The following DENND1A variants were observed in gnomAD, a reference collection of about 807,000 sequenced individuals.
DENND1A encodes the protein DENN domain-containing protein 1A.
DENND1A carries 51 observed loss-of-function variants against 113.7 expected under a neutral mutation model. That is an observed-to-expected ratio of 0.45 (90% CI 0.36 to 0.57). DENND1A has a LOEUF of 0.57. Among genes scored for constraint, DENND1A ranks in the 20% least tolerant of loss-of-function variants. The probability of loss-of-function intolerance (pLI) is 0.00; values close to 1 mark genes in which losing one functional copy is unlikely to be tolerated. For synonymous variants in DENND1A, 565 were observed against 570.8 expected, an observed-to-expected ratio of 0.99 and a Z score of 0.14; for missense variants, 1,258 against 1,395.9, an observed-to-expected ratio of 0.90 and a Z score of 1.57.
At chr9:123,410,468 C>A (rs192672417) in intron 20 of DENND1A, among the ~76,000 whole-genome samples, 208 of 152,292 alleles carry the variant, frequency 1.4e-3, no homozygotes, top group Admixed American at 3.1e-3. Context: ...GATGGAGATA[C>A]GGGATGGATC....
At chr9:123,880,206 T>A (rs1848121601) in intron 1 of DENND1A, among the ~76,000 whole-genome samples, 1 of 152,020 alleles carries the variant, frequency 6.6e-6, no homozygotes, top group South Asian at 2.1e-4. Flanking sequence ...AGAGATGGGG[T>A]TTCACCATGT....
At chr9:123,737,254 G>C (rs2068634283) in intron 5 of DENND1A, among the ~76,000 whole-genome samples, 1 of 152,154 alleles carries the variant, frequency 6.6e-6, no homozygotes, top group Non-Finnish European at 1.5e-5. Context: ...GAGTGCAGTG[G>C]TGCAATCATA....
chr9:123,843,377 A>C (rs1842112969), intron 2 of DENND1A: 1 of 340,088 alleles, frequency 2.9e-6, no homozygotes, highest in Admixed American at 4.5e-5. Flanking sequence ...TTTTATTTGC[A>C]GTCATTTTGT....
intron 2 of DENND1A, among the ~76,000 whole-genome samples, chr9:123,841,680 G>A (rs537769012): frequency 6.6e-6 from 1 of 152,292 alleles, no homozygotes; most frequent in Admixed American, 6.5e-5. Context: ...TTTAATGTCT[G>A]AAGTGAGACC....
chr9:123,835,453 T>C (rs778503694), intron 2 of DENND1A, among the ~76,000 whole-genome samples: 6 of 152,094 alleles, frequency 3.9e-5, no homozygotes, highest in African/African-American at 7.2e-5. Flanking sequence ...TGTGTCCCTC[T>C]AGTAATGAAG....
chr9:123,452,314 T>G lies in DENND1A; in HGVS notation c.1261A>C (p.Thr421Pro), dbSNP rs1180434511. 1 of 1,614,146 alleles carries G rather than the reference T, an allele frequency of 6.2e-7. No individual in the cohort carries two copies. The highest frequency in any genetic ancestry group is 8.5e-7 in the Non-Finnish European group (1 of 1,180,044). Reference sequence around the variant, plus strand: ...GTCTTCATGGCCGGATTTGCTTTGGTCTTTACAGTATTCAGAATTGCTCCA... The same window carrying G: ...GTCTTCATGGCCGGATTTGCTTTGGGCTTTACAGTATTCAGAATTGCTCCA... ...GSGAILNTVK[T>P]KANPAMKTVY... Residue 421 changes from threonine to proline, a missense_variant, in exon 17 of 24, where the codon ACC (threonine) becomes CCC (proline). Thr to Pro is a conservative substitution (Grantham distance 38, BLOSUM62 -1). Transcript: ENST00000394215.
intron 10 of DENND1A, among the ~76,000 whole-genome samples, chr9:123,622,568 G>T (rs371894667): frequency 3.9e-5 from 6 of 152,146 alleles, no homozygotes; most frequent in African/African-American, 1.4e-4. Flanking sequence ...AAATCTCGGT[G>T]ATGGGCACAA....
chr9:123,831,612 C>A (rs899338940), intron 2 of DENND1A, among the ~76,000 whole-genome samples: 3 of 152,152 alleles, frequency 2.0e-5, no homozygotes, highest in Admixed American at 6.5e-5. Context: ...CAGGAAGAGA[C>A]CCCTGCATAC....
intron 1 of DENND1A, among the ~76,000 whole-genome samples, chr9:123,902,614 C>CA (rs1851862517): frequency 6.6e-6 from 1 of 151,780 alleles, no homozygotes; most frequent in African/African-American, 2.4e-5. Flanking sequence ...AAAGATCTGT[C>CA]AAAAAACATT....
At position 123,862,994 on chromosome 9, in the gene DENND1A, T is replaced by C. The variant is rs142761957; in HGVS notation, c.88+15957A>G. On this transcript the variant is annotated intron_variant, in intron 2 of 23. Coordinates refer to ENST00000394215, the MANE Select transcript of DENND1A (RefSeq NM_001352964.2). ...TCAAAACTTGAAAATAGGATTGTGATGGAGGTGCTTATATTTTATCTCTTT... is the reference window on the plus strand; with the variant it reads ...TCAAAACTTGAAAATAGGATTGTGACGGAGGTGCTTATATTTTATCTCTTT... Among the ~76,000 whole-genome samples the C allele has an allele frequency of 1.3e-3, 193 of 152,344 alleles. 5 individuals carry two copies. In the East Asian group the frequency reaches 0.03, roughly 24 times the overall value.
intron 9 of DENND1A, among the ~76,000 whole-genome samples, chr9:123,632,290 C>T (rs2061510159): frequency 6.6e-6 from 1 of 152,064 alleles, no homozygotes; most frequent in South Asian, 2.1e-4. Context: ...AGAACAGTTC[C>T]CAGTGACCCC....
At chr9:123,403,160 C>T (rs1490756911) in intron 21 of DENND1A, among the ~76,000 whole-genome samples, 2 of 152,214 alleles carry the variant, frequency 1.3e-5, no homozygotes, top group Non-Finnish European at 1.5e-5. Context: ...ATGCTTTGGA[C>T]CCCACCCCTC....
At chr9:123,390,802 C>T (rs536643800) in intron 21 of DENND1A, among the ~76,000 whole-genome samples, 2 of 152,380 alleles carry the variant, frequency 1.3e-5, no homozygotes, top group East Asian at 3.9e-4. Context: ...GGGACACCAG[C>T]CCCGGCTCGG....
At chr9:123,557,870 T>C (rs181294397) in intron 12 of DENND1A, among the ~76,000 whole-genome samples, 175 bp from the exon 13 acceptor site, 1 of 152,108 alleles carries the variant, frequency 6.6e-6, no homozygotes, top group Admixed American at 6.5e-5. Flanking sequence ...CACACACCTG[T>C]AGTCCCAGCT....
rs774745439 is a variant in DENND1A, at chr9:123,461,197, G to A, written c.994-3300C>T. ...TGCCTGGACTGTCCTCCTGACACAT[G>A]CAGGCCTCTGAGTGGCAGTCACTCA... is the stretch of plus-strand genomic sequence containing the variant. On this transcript the variant is annotated intron_variant, in intron 13 of 23. Coordinates refer to ENST00000394215, the MANE Select transcript of DENND1A (RefSeq NM_001352964.2). 3.9e-5 allele frequency among the ~76,000 whole-genome samples: 6 copies of A among 152,186 alleles called. No individual in the cohort carries two copies. The South Asian group carries it at 6.2e-4, about 16-fold the overall frequency.
At chr9:123,563,810 A>G (rs1316366286) in intron 12 of DENND1A, among the ~76,000 whole-genome samples, 1 of 152,126 alleles carries the variant, frequency 6.6e-6, no homozygotes, top group Non-Finnish European at 1.5e-5. Flanking sequence ...CTCAAGCTCC[A>G]TTTGCACCTT....
At chr9:123,582,703 CTTTTTT>C (rs200577803) in intron 12 of DENND1A, among the ~76,000 whole-genome samples, 12,344 of 141,750 alleles carry the variant, frequency 0.087, 637 homozygotes, top group Admixed American at 0.13. Flanking sequence ...CCGGCCATTT[CTTTTTT>C]ATTTTTTTGA....
chr9:123,720,608 C>G (rs551420222), intron 5 of DENND1A, among the ~76,000 whole-genome samples: 32 of 152,284 alleles, frequency 2.1e-4, no homozygotes, highest in African/African-American at 7.5e-4. Context: ...ACCCTTCTAT[C>G]AGGGCTATTC....
chr9:123,502,458 C>T lies in DENND1A; in HGVS notation c.994-44561G>A, dbSNP rs141752392. On this transcript the variant is annotated intron_variant, in intron 13 of 23. Transcript: ENST00000394215. Reference sequence around the variant, plus strand: ...CTGAATGATTAGTGATGAACATATGCTTATTGGCCATTTGTACATTTTCTT... The same window carrying T: ...CTGAATGATTAGTGATGAACATATGTTTATTGGCCATTTGTACATTTTCTT... Among the ~76,000 whole-genome samples the T allele has an allele frequency of 1.9e-3, 290 of 152,226 alleles. 1 individual carries two copies. Among genetic ancestry groups the T allele is most frequent in the African/African-American group, 6.5e-3 (271 of 41,522 alleles).
Sources: allele counts gnomAD v4.1 joint callset (sites outside exome capture counted in the v4.1 genomes callset), GRCh38; gene constraint gnomAD v4.1.1; transcripts MANE v1.5; gene names NCBI Gene and HGNC (gene_info 2026-07-23, HGNC 2026-07-21).